RIOK2: variants seen among roughly 807,000 people sequenced by gnomAD.
RIOK2 encodes RIO kinase 2, also known as serine/threonine-protein kinase RIO2.
A neutral mutation model predicts 62.4 loss-of-function variants in RIOK2; 46 were observed. That is an observed-to-expected ratio of 0.74 (90% CI 0.58 to 0.94). The LOEUF (loss-of-function observed/expected upper bound fraction) is 0.94. RIOK2 is among the 40% of genes least tolerant of loss of function. The probability of loss-of-function intolerance (pLI) is 0.00; values close to 1 mark genes in which losing one functional copy is unlikely to be tolerated. For missense variants in RIOK2, 574 were observed against 658.0 expected, an observed-to-expected ratio of 0.87 and a Z score of 1.40; for synonymous variants, 197 against 216.0, an observed-to-expected ratio of 0.91 and a Z score of 0.77.
chr5:97,168,418 T>A (rs1748905148), intron 7 of RIOK2, among the ~76,000 whole-genome samples: 1 of 81,130 alleles, frequency 1.2e-5, no homozygotes, highest in South Asian at 4.1e-4. Flanking sequence ...TAAAGATACC[T>A]CCTGGTCCTT....
chr5:97,177,466 G>C (rs535154981), intron 3 of RIOK2, among the ~76,000 whole-genome samples, 175 bp from the exon 4 acceptor site: 8 of 152,058 alleles, frequency 5.3e-5, no homozygotes, highest in African/African-American at 1.9e-4. Context: ...TTTGGATTCT[G>C]GTATATTTGC....
chr5:97,160,963 G>C lies in RIOK2; in HGVS notation c.*2098C>G, dbSNP rs757797416. ...CAGTCTGGATAAATACACAACAAAGGATCATAGCTGAAATACCAGTGACCA... is the reference window on the plus strand; with the variant it reads ...CAGTCTGGATAAATACACAACAAAGCATCATAGCTGAAATACCAGTGACCA... On this transcript the variant is annotated 3_prime_UTR_variant, in exon 10 of 10. Transcript: ENST00000283109. The C allele has an allele frequency of 7.9e-5, 12 of 152,168 alleles. No individual in the cohort carries two copies. The highest frequency in any genetic ancestry group is 2.9e-4 in the African/African-American group (12 of 41,444). 9.4% of individuals were successfully genotyped at this position (152,168 alleles called of 1,614,324 possible). A position where few individuals can be genotyped will look rare whatever the true frequency, so the allele number is the denominator to read the frequency against.
At chr5:97,181,140 T>C (rs1749396370) in intron 1 of RIOK2, among the ~76,000 whole-genome samples, 1 of 151,536 alleles carries the variant, frequency 6.6e-6, no homozygotes, top group Admixed American at 6.6e-5. Flanking sequence ...GGCGTGGTGG[T>C]GTGCGCCTAT....
At chr5:97,180,414 T>C (rs1208483880) in intron 1 of RIOK2, among the ~76,000 whole-genome samples, 1 of 151,748 alleles carries the variant, frequency 6.6e-6, no homozygotes, top group Non-Finnish European at 1.5e-5. Context: ...AAATGGCACA[T>C]ATGCAAGAAA....
intron 9 of RIOK2, among the ~76,000 whole-genome samples, chr5:97,163,904 T>C (rs1748770493): frequency 6.6e-6 from 1 of 152,082 alleles, no homozygotes; most frequent in Non-Finnish European, 1.5e-5. Context: ...GTCTTCTTTT[T>C]TTTTTTGAGA....
intron 6 of RIOK2, among the ~76,000 whole-genome samples, chr5:97,169,134 G>T (rs1024228528): frequency 6.6e-6 from 1 of 152,122 alleles, no homozygotes; most frequent in Non-Finnish European, 1.5e-5. Flanking sequence ...AGATACACTA[G>T]GGAAAGATGA....
rs1013190298 is a variant in RIOK2, at chr5:97,171,216, T to G, written c.769A>C (p.Asn257His). ...ATAGCAAGTACGTACCACTCAGCAT[T>G]GGGATGAGAAGTTGAAACCATCTGT... is the stretch of plus-strand genomic sequence containing the variant. ...FPQMVSTSHP[N>H]AEWYFDRDVK... is the part of the protein sequence containing the mutation. The change falls in exon 6 of 10, where the codon AAT becomes CAT. Residue 257 changes from asparagine (N) to histidine (H), a missense_variant. Physicochemically the swap from Asn to His is moderately conservative, Grantham distance 68. Coordinates refer to ENST00000283109, the MANE Select transcript of RIOK2 (RefSeq NM_018343.3). The G allele has an allele frequency of 6.4e-7, 1 of 1,559,422 alleles. No homozygotes were observed. The highest frequency in any genetic ancestry group is 1.4e-5 in the African/African-American group (1 of 72,716).
chr5:97,177,284 GTAAATA>G lies in RIOK2; in HGVS notation c.324_329del (p.Tyr110_Ile111del), dbSNP rs749059737. On this transcript the variant is annotated inframe_deletion and splice_region_variant, in exon 4 of 10. Transcript: ENST00000283109. ...GTTGTCCTTCTTCATTTGCAACAAT[GTAAATA>G]TCTAGAGACAAAATTTCAAAAACAA... 6.2e-7 allele frequency: 1 copy of G among 1,609,800 alleles called. No individual in the cohort carries two copies.
chr5:97,167,363 A>T, intron 8 of RIOK2, 104 bp downstream of exon 8: 1 of 1,510,844 alleles, frequency 6.6e-7, no homozygotes, highest in Non-Finnish European at 8.8e-7. Flanking sequence ...AGGTGGCAGA[A>T]TACAATTTTG....
intron 1 of RIOK2, 133 bp downstream of exon 1, chr5:97,182,993 C>G: frequency 1.0e-6 from 1 of 958,280 alleles, no homozygotes; most frequent in Non-Finnish European, 1.7e-6. Flanking sequence ...TGAATGCTCT[C>G]TTCTCCATTC....
At chr5:97,166,356 T>C (rs1748841334) in intron 8 of RIOK2, 1 of 455,020 alleles carries the variant, frequency 2.2e-6, no homozygotes, top group Non-Finnish European at 4.4e-6. Context: ...AGTAGCCCTG[T>C]GACACAGATA....
chr5:97,174,451 T>G (rs940645962), intron 4 of RIOK2, among the ~76,000 whole-genome samples: 4 of 151,988 alleles, frequency 2.6e-5, no homozygotes, highest in African/African-American at 9.7e-5. Flanking sequence ...TGGCTGTAAA[T>G]TTTCTTTTCA....
chr5:97,183,006 A>T (rs1749465801), intron 1 of RIOK2, 120 bp downstream of exon 1: 1 of 1,073,788 alleles, frequency 9.3e-7, no homozygotes, highest in African/African-American at 1.5e-5. Context: ...CTCCATTCCC[A>T]GCTTCTGCCA....
chr5:97,180,132 A>ATATATATGTATATATATATATATATG (rs1561522404), intron 1 of RIOK2, among the ~76,000 whole-genome samples: 1 of 36,828 alleles, frequency 2.7e-5, no homozygotes, highest in Non-Finnish European at 6.2e-5. Context: ...ATATGTATAT[A>ATATATATGTATATATATATATATATG]TATATATATG....
At chr5:97,163,775 C>T (rs1213456194) in intron 9 of RIOK2, among the ~76,000 whole-genome samples, 1 of 152,210 alleles carries the variant, frequency 6.6e-6, no homozygotes, top group Non-Finnish European at 1.5e-5. Context: ...TCACAATGAC[C>T]TTTTCTTTCT....
chr5:97,183,086 T>G lies in RIOK2; in HGVS notation c.66+40A>C, dbSNP rs1299306099. 4 of 1,604,050 alleles carry G rather than the reference T, an allele frequency of 2.5e-6. No homozygotes were observed. The African/African-American group carries it at 4.0e-5, about 16-fold the overall frequency. Reference sequence around the variant, plus strand: ...GCAGGAACAGGAAGAGGTCACACAGTGTTAAGGGGAAGGGAGAACAGGAAC... The same window carrying G: ...GCAGGAACAGGAAGAGGTCACACAGGGTTAAGGGGAAGGGAGAACAGGAAC... On this transcript the variant is annotated intron_variant, in intron 1 of 9. Coordinates refer to ENST00000283109, the MANE Select transcript of RIOK2 (RefSeq NM_018343.3).
chr5:97,172,513 A>G (rs1749039472), intron 5 of RIOK2, among the ~76,000 whole-genome samples: 1 of 152,240 alleles, frequency 6.6e-6, no homozygotes, highest in Admixed American at 6.5e-5. Flanking sequence ...CACTGTAATC[A>G]GAATTACAAC....
Position 97,162,061 on chromosome 5 carries a change from G to T in RIOK2, c.*1000C>A, listed in dbSNP as rs1748714699. 1 of 152,018 alleles carries T rather than the reference G, an allele frequency of 6.6e-6. No individual in the cohort carries two copies. The highest frequency in any genetic ancestry group is 6.6e-5 in the Admixed American group (1 of 15,262). 9.4% of individuals were successfully genotyped at this position (152,018 alleles called of 1,614,324 possible). ...GAATCTGCTGTCTTTATCAATCTTGGAAAAGTCTGTACTATATTCCCTCTG... is the reference window on the plus strand; with the variant it reads ...GAATCTGCTGTCTTTATCAATCTTGTAAAAGTCTGTACTATATTCCCTCTG... On this transcript the variant is annotated 3_prime_UTR_variant, in exon 10 of 10. Coordinates refer to ENST00000283109, the MANE Select transcript of RIOK2 (RefSeq NM_018343.3).
In RIOK2 at chr5:97,179,198, A is replaced by T. The variant is rs980018176; in HGVS notation, c.67-5T>A. ...GTTCTTCATGCCCATTTCAACCTGAAATTAAAGGAATCATTATATAATCAT... is the reference window on the plus strand; with the variant it reads ...GTTCTTCATGCCCATTTCAACCTGATATTAAAGGAATCATTATATAATCAT... On this transcript the variant is annotated splice_polypyrimidine_tract_variant and splice_region_variant and intron_variant, in intron 1 of 9. Coordinates refer to ENST00000283109, the MANE Select transcript of RIOK2 (RefSeq NM_018343.3). 1.2e-6 allele frequency: 2 copies of T among 1,611,610 alleles called. No homozygotes were observed. The highest frequency in any genetic ancestry group is 1.7e-6 in the Non-Finnish European group (2 of 1,179,530).
Sources: gnomAD v4.1 joint callset for allele counts (sites outside exome capture counted in the v4.1 genomes callset) on GRCh38, gnomAD v4.1.1 for gene constraint, MANE v1.5 for transcripts, NCBI Gene and HGNC (gene_info 2026-07-23, HGNC 2026-07-21) for gene names.